PHC2: variants seen among roughly 807,000 people sequenced by gnomAD.
The protein encoded by PHC2 is polyhomeotic homolog 2.
A neutral mutation model predicts 87.4 loss-of-function variants in PHC2; 29 were observed. That is an observed-to-expected ratio of 0.33 (90% confidence interval 0.25 to 0.45). PHC2 has a LOEUF of 0.45. Among genes scored for constraint, PHC2 ranks in the 20% least tolerant of loss-of-function variants. PHC2 has a pLI of 1.00. For missense variants in PHC2, 857 were observed against 1,136.7 expected, an observed-to-expected ratio of 0.75 and a Z score of 3.54; for synonymous variants, 438 against 461.7, an observed-to-expected ratio of 0.95 and a Z score of 0.66.
At position 33,331,973 on chromosome 1, in the gene PHC2, C is replaced by T. The variant is rs905355589; in HGVS notation, c.1891+302G>A. 6.6e-6 allele frequency among the ~76,000 whole-genome samples: 1 copy of T among 151,990 alleles called. No individual in the cohort carries two copies. Among genetic ancestry groups the T allele is most frequent in the East Asian group, 1.9e-4 (1 of 5,186 alleles). On this transcript the variant is annotated intron_variant, in intron 11 of 14. Transcript: ENST00000683057. The surrounding 1 kb of genome is among the most constrained non-coding windows in gnomAD (Gnocchi z 5.2). ...CCAGTCTCAAGGCAGGGACGAAGGG[C>T]AGGACTTGCCTGGGGCCACTCCTAC...
At chr1:33,393,830 C>G (rs1190845980) in intron 1 of PHC2, among the ~76,000 whole-genome samples, 1 of 92,334 alleles carries the variant, frequency 1.1e-5, no homozygotes, top group African/African-American at 4.8e-5. Flanking sequence ...AATTCAAAAT[C>G]CCTATCCTAC....
rs112539819 is a variant in PHC2 at position 33,422,316 on chromosome 1, C to G, written c.-55+8660G>C. ...AGTACCTGGCCTGGGTTCTCCTCAT[C>G]TTTGAATCCCCCCAGCTGCTAGAGT... is the stretch of plus-strand genomic sequence containing the variant. On this transcript the variant is annotated intron_variant, in intron 1 of 14. Coordinates refer to ENST00000683057, the MANE Select transcript of PHC2 (RefSeq NM_001385109.1). Among the ~76,000 whole-genome samples, 240 of 152,240 alleles carry G rather than the reference C, an allele frequency of 1.6e-3. 4 individuals carry two copies. Among genetic ancestry groups the G allele is most frequent in the African/African-American group, 4.7e-3 (197 of 41,526 alleles).
Position 33,334,364 on chromosome 1 carries a change from A to G in PHC2, c.1559-72T>C. On this transcript the variant is annotated intron_variant, in intron 9 of 14. Coordinates refer to ENST00000683057, the MANE Select transcript of PHC2 (RefSeq NM_001385109.1). This position sits in a 1 kb window ranked among gnomAD's most constrained non-coding sequence, Gnocchi z 5.5. ...GAGTCCACGCCCAGGGAGGGACAGC[A>G]AGGACTCAAACTGCGCCCGGCTTTT... The G allele has an allele frequency of 7.0e-7, 1 of 1,419,946 alleles. No individual in the cohort carries two copies. Among genetic ancestry groups the G allele is most frequent in the Non-Finnish European group, 9.8e-7 (1 of 1,019,468 alleles). 88.0% of individuals were successfully genotyped at this position (1,419,946 alleles called of 1,614,324 possible). A position where few individuals can be genotyped will look rare whatever the true frequency, so the allele number is the denominator to read the frequency against.
rs1649635646 is a variant in PHC2, at chr1:33,403,583, A to G, written c.-55+27393T>C. ...TTTATTTTTCAAATACTACATATAC[A>G]TTATACTTTCTTCTGCATAATTATA... On this transcript the variant is annotated intron_variant, in intron 1 of 14. Transcript: ENST00000683057. Among the ~76,000 whole-genome samples the G allele has an allele frequency of 2.6e-5, 4 of 152,210 alleles. No homozygotes were observed. The South Asian group carries it at 8.3e-4, about 32-fold the overall frequency.
At chr1:33,422,472 C>T (rs59006675) in intron 1 of PHC2, among the ~76,000 whole-genome samples, 10,015 of 152,220 alleles carry the variant, frequency 0.066, 566 homozygotes, top group East Asian at 0.18. Context: ...AAGCCCATCC[C>T]TGTAATCAGA....
At position 33,334,077 on chromosome 1, in the gene PHC2, A is replaced by T. The variant is rs199596108; in HGVS notation, c.1761+13T>A. ...ATACTTAAAAAAAAAAGGGGAAAAG[A>T]AGTAGTCCGTACCGGGAAAGGCTCC... On this transcript the variant is annotated intron_variant, in intron 10 of 14. Coordinates refer to ENST00000683057, the MANE Select transcript of PHC2 (RefSeq NM_001385109.1). The surrounding 1 kb of genome is among the most constrained non-coding windows in gnomAD (Gnocchi z 5.5). The T allele has an allele frequency of 4.4e-6, 7 of 1,582,186 alleles. No individual in the cohort carries two copies. Among genetic ancestry groups the T allele is most frequent in the Non-Finnish European group, 6.0e-6 (7 of 1,166,518 alleles).
chr1:33,414,183 A>T (rs1214320562), intron 1 of PHC2, among the ~76,000 whole-genome samples: 166 of 146,452 alleles, frequency 1.1e-3, no homozygotes, highest in African/African-American at 2.8e-3. Context: ...TCTGTCACAC[A>T]CACACACACA....
chr1:33,347,925 G>GA (rs1414863937), intron 9 of PHC2: 5 of 154,094 alleles, frequency 3.2e-5, no homozygotes, highest in African/African-American at 1.2e-4. Context: ...ATCACCAGTG[G>GA]AAAACACAGT....
intron 1 of PHC2, among the ~76,000 whole-genome samples, chr1:33,379,935 C>T (rs538007860): frequency 2.6e-5 from 4 of 152,292 alleles, no homozygotes; most frequent in East Asian, 1.9e-4. Flanking sequence ...TCTCTCCTGT[C>T]GCTTGTAGTC....
chr1:33,389,059 TA>T (rs72505785), intron 1 of PHC2, among the ~76,000 whole-genome samples: 74 of 137,842 alleles, frequency 5.4e-4, no homozygotes, highest in Admixed American at 6.6e-4. Flanking sequence ...ATGTTCTTGT[TA>T]AAAAAAAAAA....
At chr1:33,411,973 T>A (rs1440198613) in intron 1 of PHC2, among the ~76,000 whole-genome samples, 1 of 152,158 alleles carries the variant, frequency 6.6e-6, no homozygotes, top group East Asian at 1.9e-4. Context: ...TTAAAGGATA[T>A]CTAACAAAAA....
rs537668402 is a variant in PHC2, at chr1:33,326,183, AAAAC to A, written c.2426-1168_2426-1165del. On this transcript the variant is annotated intron_variant, in intron 14 of 14. Transcript: ENST00000683057. ...AGTAAAATAGGAGAGAGAGAAGGTAAAAACAAACAAACAAAACTGTTCAACATAA... is the reference window on the plus strand; with the variant it reads ...AGTAAAATAGGAGAGAGAGAAGGTAAAAACAAACAAAACTGTTCAACATAA... The A allele has an allele frequency of 1.9e-3, 397 of 208,866 alleles. 1 individual carries two copies. The highest frequency in any genetic ancestry group is 8.1e-4 in the Non-Finnish European group (81 of 99,784). 12.9% of individuals were successfully genotyped at this position (208,866 alleles called of 1,614,324 possible).
At chr1:33,363,466 C>T (rs1647258392) in intron 7 of PHC2, among the ~76,000 whole-genome samples, 1 of 152,162 alleles carries the variant, frequency 6.6e-6, no homozygotes, top group Admixed American at 6.5e-5. Flanking sequence ...CCCAAGAATC[C>T]TGGAATCAGC....
intron 7 of PHC2, among the ~76,000 whole-genome samples, chr1:33,356,255 A>ATATATATATATATATATATG (rs1557830915): frequency 3.0e-4 from 24 of 80,814 alleles, no homozygotes; most frequent in Middle Eastern, 5.7e-3. Flanking sequence ...ATTCTTATAT[A>ATATATATATATATATATATG]TATATATATA....
chr1:33,423,758 A>C (rs1650547969), intron 1 of PHC2, among the ~76,000 whole-genome samples: 2 of 152,260 alleles, frequency 1.3e-5, no homozygotes, highest in African/African-American at 2.4e-5. Flanking sequence ...AACTGCTTAT[A>C]ATTGTATTTC....
intron 1 of PHC2, among the ~76,000 whole-genome samples, chr1:33,378,201 T>G (rs959081222): frequency 6.6e-6 from 1 of 152,198 alleles, no homozygotes; most frequent in Non-Finnish European, 1.5e-5. Context: ...TCCTATGTCT[T>G]GGCGCTGTCA....
At chr1:33,339,277 C>T (rs1233433796) in intron 9 of PHC2, among the ~76,000 whole-genome samples, 1 of 152,216 alleles carries the variant, frequency 6.6e-6, no homozygotes, top group Non-Finnish European at 1.5e-5. Flanking sequence ...TCAGTCTTCA[C>T]TGTCTACATA....
chr1:33,417,669 T>G (rs1254270005), intron 1 of PHC2, among the ~76,000 whole-genome samples: 1 of 152,144 alleles, frequency 6.6e-6, no homozygotes, highest in Non-Finnish European at 1.5e-5. Context: ...AACACAAGTT[T>G]ACCATTATAG....
At position 33,370,467 on chromosome 1, in the gene PHC2, G is replaced by T. The variant is rs1222346541; in HGVS notation, c.530C>A (p.Pro177Gln). The T allele has an allele frequency of 7.4e-6, 12 of 1,614,052 alleles. No individual in the cohort carries two copies. The highest frequency in any genetic ancestry group is 1.0e-5 in the Non-Finnish European group (12 of 1,180,030). The change falls in exon 5 of 15, where the codon CCA becomes CAA. Residue 177 changes from proline (P) to glutamine (Q), a missense_variant. Pro to Gln is a moderately conservative substitution (Grantham distance 76). Around this residue, in one of 3 missense-constraint regions of PHC2, gnomAD observed 832 missense variants for 1,081.8 expected, o/e 0.77. Transcript: ENST00000683057. ...QAVLLGNTSS[P>Q]ALTASQAQMY... ...CTGTGCTTGGCTTGCAGTCAGGGCTGGGGAAGACGTGTTGCCCAAGAGCAC... is the reference window on the plus strand; with the variant it reads ...CTGTGCTTGGCTTGCAGTCAGGGCTTGGGAAGACGTGTTGCCCAAGAGCAC...
Sources: allele counts gnomAD v4.1 joint callset (sites outside exome capture counted in the v4.1 genomes callset), GRCh38; gene constraint gnomAD v4.1.1; regional missense constraint gnomAD v4.1.1; non-coding constraint Gnocchi (gnomAD v3.1); transcripts MANE v1.5; gene names NCBI Gene and HGNC (gene_info 2026-07-23, HGNC 2026-07-21).